Variants in DGKG observed in about 807,000 individuals in gnomAD.
DGKG encodes diacylglycerol kinase gamma.
In DGKG, 78 loss-of-function variants were observed where a neutral mutation model predicts 105.3. The observed-to-expected ratio is 0.74, with a 90% CI of 0.62 to 0.89. The LOEUF (loss-of-function observed/expected upper bound fraction) is 0.89. Ranked by LOEUF, DGKG falls within the 40% of genes least tolerant of loss-of-function variation. DGKG has a pLI of 0.00. For synonymous variants in DGKG, 346 were observed against 367.1 expected, an observed-to-expected ratio of 0.94 and a Z score of 0.66; for missense variants, 958 against 1,020.1, an observed-to-expected ratio of 0.94 and a Z score of 0.83.
chr3:186,164,942 C>A lies in DGKG; in HGVS notation c.2172G>T (p.Lys724Asn). The stretch of plus-strand genomic sequence containing the variant: ...ACTGGGCCAGCCTCCTGCCTGCACT[C>A]TTCAGGCCGGTGTAGATCTGCCCCA... ...MEMGQIYTGL[K>N]SAGRRLAQCA... Residue 724 changes from lysine to asparagine, a missense_variant, in exon 23 of 25, where the codon AAG (lysine) becomes AAT (asparagine). Transcript: ENST00000265022. The A allele has an allele frequency of 6.2e-7, 1 of 1,614,016 alleles. No homozygotes were observed. The highest frequency in any genetic ancestry group is 8.5e-7 in the Non-Finnish European group (1 of 1,179,982).
intron 9 of DGKG, among the ~76,000 whole-genome samples, chr3:186,276,531 T>G (rs2108591144): frequency 6.6e-6 from 1 of 152,304 alleles, no homozygotes; most frequent in East Asian, 1.9e-4. Context: ...ACAATGTATT[T>G]CTCCTATCAA....
intron 19 of DGKG, among the ~76,000 whole-genome samples, chr3:186,247,832 T>A (rs1185801327): frequency 6.6e-6 from 1 of 152,190 alleles, no homozygotes; most frequent in Non-Finnish European, 1.5e-5. Context: ...TGTTCATAAT[T>A]GGAAAGATGA....
intron 1 of DGKG, among the ~76,000 whole-genome samples, chr3:186,356,528 G>T (rs1280903882): frequency 6.6e-6 from 1 of 152,160 alleles, no homozygotes; most frequent in Admixed American, 6.5e-5. Flanking sequence ...GGTGTCAATG[G>T]TATAGATTCT....
intron 24 of DGKG, chr3:186,161,261 A>C: frequency 1.9e-6 from 2 of 1,055,890 alleles, no homozygotes; most frequent in Non-Finnish European, 2.3e-6. Flanking sequence ...CTTTTGAGGT[A>C]GTAAATTCCT....
At chr3:186,235,719 C>T (rs533485431) in intron 20 of DGKG, among the ~76,000 whole-genome samples, 38 of 152,204 alleles carry the variant, frequency 2.5e-4, no homozygotes, top group Admixed American at 7.2e-4. Context: ...TGAGCTTTGT[C>T]GGTTTCTATT....
chr3:186,215,404 C>A (rs1182146840), intron 20 of DGKG, among the ~76,000 whole-genome samples: 6 of 146,116 alleles, frequency 4.1e-5, no homozygotes, highest in African/African-American at 1.3e-4. Flanking sequence ...GAGTGAGACC[C>A]CCATCTCCAA....
At chr3:186,200,662 C>T (rs1355374297) in intron 21 of DGKG, among the ~76,000 whole-genome samples, 3 of 152,162 alleles carry the variant, frequency 2.0e-5, no homozygotes, top group African/African-American at 4.8e-5. Context: ...TCCTGACCCC[C>T]CACTTCCACC....
chr3:186,292,730 G>T (rs564722301), intron 5 of DGKG, among the ~76,000 whole-genome samples: 1 of 151,990 alleles, frequency 6.6e-6, no homozygotes, highest in African/African-American at 2.4e-5. Context: ...GGAGGCAGAG[G>T]TCGGGAGGCA....
At chr3:186,247,770 A>G (rs914753821) in intron 19 of DGKG, among the ~76,000 whole-genome samples, 9 of 152,326 alleles carry the variant, frequency 5.9e-5, no homozygotes, top group Middle Eastern at 3.4e-3. Context: ...AATATTAAAC[A>G]TGGATAAGCT....
intron 20 of DGKG, among the ~76,000 whole-genome samples, chr3:186,234,549 G>A (rs758653938): frequency 9.2e-5 from 14 of 152,232 alleles, no homozygotes; most frequent in South Asian, 2.1e-4. Context: ...AAAACATAGC[G>A]TGCTTTCAAG....
chr3:186,247,614 C>T (rs879350438), intron 19 of DGKG, among the ~76,000 whole-genome samples: 3 of 152,080 alleles, frequency 2.0e-5, no homozygotes, highest in South Asian at 2.1e-4. Flanking sequence ...GTTAGGGTTG[C>T]GTGTTGGTTA....
At chr3:186,332,832 C>G (rs904832737) in intron 1 of DGKG, among the ~76,000 whole-genome samples, 5 of 151,990 alleles carry the variant, frequency 3.3e-5, no homozygotes, top group African/African-American at 1.2e-4. Context: ...GAGGACACTG[C>G]CCTAGTGAAT....
intron 15 of DGKG, 56 bp from the exon 16 acceptor site, chr3:186,260,569 T>C (rs1430980458): frequency 5.2e-6 from 7 of 1,340,866 alleles, no homozygotes; most frequent in South Asian, 1.2e-5. Flanking sequence ...GAATATGTCA[T>C]CGTGAGAAGT....
At chr3:186,164,860 G>A in intron 23 of DGKG, 38 bp downstream of exon 23, 1 of 1,590,634 alleles carries the variant, frequency 6.3e-7, no homozygotes, top group Non-Finnish European at 8.6e-7. Flanking sequence ...TACGCAGGCG[G>A]GGAGATGCAG....
chr3:186,281,910 A>T (rs1424887456), intron 7 of DGKG, among the ~76,000 whole-genome samples: 2 of 152,204 alleles, frequency 1.3e-5, no homozygotes, highest in African/African-American at 2.4e-5. Context: ...ATACTTAAAG[A>T]ATCATAGGGG....
At chr3:186,239,064 G>A (rs1720553918) in intron 20 of DGKG, among the ~76,000 whole-genome samples, 2 of 152,166 alleles carry the variant, frequency 1.3e-5, no homozygotes, top group African/African-American at 4.8e-5. Context: ...ATTTCAAGGT[G>A]TTCTCAAAAC....
chr3:186,154,581 G>T (rs1244838211), intron 24 of DGKG, among the ~76,000 whole-genome samples: 2 of 148,158 alleles, frequency 1.3e-5, no homozygotes, highest in Non-Finnish European at 3.0e-5. Context: ...GGAGGCACAG[G>T]TTGCAGTGAG....
chr3:186,281,412 T>G (rs1354677563), intron 7 of DGKG, among the ~76,000 whole-genome samples: 1 of 152,168 alleles, frequency 6.6e-6, no homozygotes, highest in Non-Finnish European at 1.5e-5. Flanking sequence ...AATGAGTCAG[T>G]GTTCTGAGAG....
intron 23 of DGKG, among the ~76,000 whole-genome samples, chr3:186,162,507 G>C (rs1208037571): frequency 1.3e-5 from 2 of 152,188 alleles, no homozygotes; most frequent in African/African-American, 4.8e-5. Context: ...AGTGTGTCTT[G>C]CCTTGCAATC....
Sources: allele counts gnomAD v4.1 joint callset (sites outside exome capture counted in the v4.1 genomes callset), GRCh38; gene constraint gnomAD v4.1.1; transcripts MANE v1.5; gene names NCBI Gene and HGNC (gene_info 2026-07-23, HGNC 2026-07-21).